Variants in WWOX observed in about 807,000 individuals in gnomAD.
The protein encoded by WWOX is WW domain-containing oxidoreductase.
A neutral mutation model predicts 46.2 loss-of-function variants in WWOX; 69 were observed. The observed-to-expected ratio is 1.49, with a 90% confidence interval of 1.23 to 1.82. The LOEUF is 1.82. Ranked by LOEUF, WWOX falls within the 40% of genes most tolerant of loss-of-function variation. The pLI is 0.00. For synonymous variants in WWOX, 359 were observed against 202.6 expected, an observed-to-expected ratio of 1.77 and a Z score of -6.56; for missense variants, 919 against 542.6, an observed-to-expected ratio of 1.69 and a Z score of -6.89.
intron 8 of WWOX, among the ~76,000 whole-genome samples, chr16:78,966,262 C>G (rs112771092): frequency 5.9e-5 from 9 of 152,310 alleles, no homozygotes; most frequent in African/African-American, 2.2e-4. Context: ...GAGGAGATAA[C>G]AGACATGCTC....
intron 5 of WWOX, among the ~76,000 whole-genome samples, chr16:78,228,032 T>C (rs1169907010): frequency 2.6e-5 from 4 of 151,992 alleles, no homozygotes; most frequent in African/African-American, 9.7e-5. Context: ...CTCTGGCAAA[T>C]AGAGTTATGG....
At chr16:78,334,808 G>GCGCACACACACACACA (rs1555521509) in intron 5 of WWOX, among the ~76,000 whole-genome samples, 1 of 78,754 alleles carries the variant, frequency 1.3e-5, no homozygotes, top group Non-Finnish European at 2.9e-5. Context: ...ACACACACAC[G>GCGCACACACACACACA]CACACACACA....
intron 5 of WWOX, among the ~76,000 whole-genome samples, chr16:78,251,937 C>T (rs981776718): frequency 6.6e-6 from 1 of 152,208 alleles, no homozygotes; most frequent in Non-Finnish European, 1.5e-5. Context: ...GTTGTCAATA[C>T]ATCTTTGTTG....
chr16:78,967,470 T>TTG (rs2046384840), intron 8 of WWOX, among the ~76,000 whole-genome samples: 1 of 145,724 alleles, frequency 6.9e-6, no homozygotes, highest in Admixed American at 6.9e-5. Flanking sequence ...TTTTTTTTTT[T>TTG]TTTTTTTTTT....
intron 8 of WWOX, among the ~76,000 whole-genome samples, chr16:79,208,735 T>C (rs1303503039): frequency 6.6e-6 from 1 of 152,188 alleles, no homozygotes; most frequent in Non-Finnish European, 1.5e-5. Flanking sequence ...TCTGATGATA[T>C]GTAGGCCGAA....
At chr16:79,048,972 C>G (rs1265077754) in intron 8 of WWOX, among the ~76,000 whole-genome samples, 1 of 152,182 alleles carries the variant, frequency 6.6e-6, no homozygotes, top group African/African-American at 2.4e-5. Flanking sequence ...GTCATGATTC[C>G]TCTATTCCCT....
chr16:78,715,228 A>G (rs1188505452), intron 8 of WWOX, among the ~76,000 whole-genome samples: 1 of 152,142 alleles, frequency 6.6e-6, no homozygotes, highest in East Asian at 1.9e-4. Flanking sequence ...AAACACAAGT[A>G]AAGCTAACTG....
intron 8 of WWOX, among the ~76,000 whole-genome samples, chr16:78,737,540 G>A (rs2049119546): frequency 6.6e-6 from 1 of 152,014 alleles, no homozygotes; most frequent in Non-Finnish European, 1.5e-5. Flanking sequence ...CATCACCCGG[G>A]CAGTGTATAC....
intron 8 of WWOX, among the ~76,000 whole-genome samples, chr16:78,629,940 A>T (rs2151657223): frequency 6.6e-6 from 1 of 152,302 alleles, no homozygotes; most frequent in East Asian, 1.9e-4. Context: ...AAAATTATCC[A>T]AACTCAGTTA....
intron 5 of WWOX, among the ~76,000 whole-genome samples, chr16:78,198,827 T>G (rs1023727177): frequency 1.3e-5 from 2 of 152,242 alleles, no homozygotes; most frequent in Non-Finnish European, 2.9e-5. Flanking sequence ...CATACATATA[T>G]GTAATGGTAT....
chr16:78,410,754 T>G (rs1412505574), intron 6 of WWOX, among the ~76,000 whole-genome samples: 5 of 139,386 alleles, frequency 3.6e-5, no homozygotes, highest in Non-Finnish European at 6.0e-5. Context: ...TGTGGTCAAC[T>G]GAGATCACAC....
chr16:78,654,088 C>G (rs1458067111), intron 8 of WWOX, among the ~76,000 whole-genome samples: 2 of 152,192 alleles, frequency 1.3e-5, no homozygotes, highest in African/African-American at 2.4e-5. Context: ...ATGCCTTCTC[C>G]TAAATCCAGG....
chr16:78,189,224 T>A (rs2035804804), intron 5 of WWOX, among the ~76,000 whole-genome samples: 1 of 152,162 alleles, frequency 6.6e-6, no homozygotes, highest in African/African-American at 2.4e-5. Flanking sequence ...TGGGGCACAT[T>A]GTGACAAGTT....
chr16:78,804,852 A>T (rs1217454155), intron 8 of WWOX, among the ~76,000 whole-genome samples: 5 of 152,382 alleles, frequency 3.3e-5, no homozygotes, highest in Non-Finnish European at 7.3e-5. Context: ...TGTGATCCTT[A>T]GGATGTAGCC....
chr16:78,238,500 C>T (rs1744658224), intron 5 of WWOX, among the ~76,000 whole-genome samples: 1 of 152,084 alleles, frequency 6.6e-6, no homozygotes, highest in Admixed American at 6.6e-5. Flanking sequence ...GGTTTCTCTA[C>T]CATGTTGGCC....
rs1213682281 is a variant in WWOX, at chr16:78,199,736, A to T, written c.516+35447A>T. On this transcript the variant is annotated intron_variant, in intron 5 of 8. Coordinates refer to ENST00000566780, the MANE Select transcript of WWOX (RefSeq NM_016373.4). ...ACATGACATCCTACCCCCTTCCCAT[A>T]AAAAAAATCACATTTGTGAATGTCT... Among the ~76,000 whole-genome samples the T allele has an allele frequency of 2.6e-5, 4 of 151,966 alleles. No homozygotes were observed. In the East Asian group the frequency reaches 7.7e-4, roughly 29 times the overall value.
chr16:79,040,774 G>A (rs543722245), intron 8 of WWOX, among the ~76,000 whole-genome samples: 1 of 152,152 alleles, frequency 6.6e-6, no homozygotes, highest in African/African-American at 2.4e-5. Flanking sequence ...GACACTCTTA[G>A]ACCTTCTTCT....
Position 79,005,722 on chromosome 16 carries a change from A to C in WWOX, c.1057-205886A>C, listed in dbSNP as rs565715531. On this transcript the variant is annotated intron_variant, in intron 8 of 8. Coordinates refer to ENST00000566780, the MANE Select transcript of WWOX (RefSeq NM_016373.4). The stretch of plus-strand genomic sequence containing the variant: ...TTAGAGCCCACCCTAATTCACTGTA[A>C]TCACATCTTACCTAAGTCCATCTGC... 3.0e-4 allele frequency among the ~76,000 whole-genome samples: 45 copies of C among 152,262 alleles called. No homozygotes were observed. The South Asian group carries it at 9.3e-3, about 32-fold the overall frequency.
Position 78,715,554 on chromosome 16 carries a change from A to T in WWOX, c.1056+282802A>T, listed in dbSNP as rs562571441. 2.8e-5 allele frequency among the ~76,000 whole-genome samples: 4 copies of T among 144,418 alleles called. No homozygotes were observed. In the South Asian group the frequency reaches 8.8e-4, roughly 32 times the overall value. 94.7% of individuals were successfully genotyped at this position (144,418 alleles called of 152,430 possible). A position where few individuals can be genotyped will look rare whatever the true frequency, so the allele number is the denominator to read the frequency against. On this transcript the variant is annotated intron_variant, in intron 8 of 8. Coordinates refer to ENST00000566780, the MANE Select transcript of WWOX (RefSeq NM_016373.4). ...GCTGGAGTGCAGTGGTGTGATCTTG[A>T]CTCATTGCAACCTCCGCCTCTTGGG... is the stretch of plus-strand genomic sequence containing the variant.
Sources: allele counts gnomAD v4.1 joint callset (sites outside exome capture counted in the v4.1 genomes callset), GRCh38; gene constraint gnomAD v4.1.1; transcripts MANE v1.5; gene names NCBI Gene and HGNC (gene_info 2026-07-23, HGNC 2026-07-21).